Variants in EDARADD observed in about 807,000 individuals in gnomAD.
EDARADD encodes EDAR associated via death domain, also known as ectodysplasin-A receptor-associated adapter protein.
EDARADD carries 20 observed loss-of-function variants against 25.6 expected under a neutral mutation model. The observed-to-expected ratio is 0.78, with a 90% CI of 0.55 to 1.14. EDARADD has a LOEUF of 1.14. Among genes scored for constraint, EDARADD ranks in the 50% most tolerant of loss-of-function variants. The pLI is 0.00. For synonymous variants in EDARADD, 86 were observed against 94.4 expected, an observed-to-expected ratio of 0.91 and a Z score of 0.52; for missense variants, 225 against 270.1, an observed-to-expected ratio of 0.83 and a Z score of 1.17.
At position 236,373,008 on chromosome 1, in the gene EDARADD, C is replaced by T. The variant is rs1336715260; in HGVS notation, c.-6+22169C>T. Among the ~76,000 whole-genome samples the T allele has an allele frequency of 9.3e-5, 14 of 150,178 alleles. No individual in the cohort carries two copies. The South Asian group carries it at 1.3e-3, about 14-fold the overall frequency. On this transcript the variant is annotated intron_variant, in intron 3 of 7. Coordinates refer to the EDARADD transcript ENST00000439430. ...TCGGCTCACTGCAAGCTCCGCCTCC[C>T]GGGTTCATGCCATTCTCCTGCCTCA... is the stretch of plus-strand genomic sequence containing the variant.
intron 3 of EDARADD, among the ~76,000 whole-genome samples, chr1:236,375,426 T>C (rs1667214319): frequency 1.3e-5 from 2 of 151,880 alleles, no homozygotes; most frequent in Admixed American, 6.6e-5. Flanking sequence ...GAGGCCAAGG[T>C]GGGTGAATCA....
At chr1:236,480,129 A>ATATATATATC (rs1558139239) in intron 5 of EDARADD, among the ~76,000 whole-genome samples, 2 of 140,874 alleles carry the variant, frequency 1.4e-5, no homozygotes, top group African/African-American at 2.7e-5. Flanking sequence ...ATATATATAT[A>ATATATATATC]TATATATCAC....
At chr1:236,401,468 C>T (rs182968438) in intron 1 of EDARADD, among the ~76,000 whole-genome samples, 59 of 152,296 alleles carry the variant, frequency 3.9e-4, no homozygotes, top group African/African-American at 1.3e-3. Flanking sequence ...GTGCAGTCCT[C>T]GGCCGCCCCA....
chr1:236,357,697 G>A (rs774645482), intron 3 of EDARADD, among the ~76,000 whole-genome samples: 19 of 151,722 alleles, frequency 1.3e-4, no homozygotes, highest in Non-Finnish European at 2.1e-4. Flanking sequence ...CAGATCTCCC[G>A]AGACCTCACT....
At chr1:236,434,570 A>G (rs1431967958) in intron 4 of EDARADD, among the ~76,000 whole-genome samples, 2 of 152,116 alleles carry the variant, frequency 1.3e-5, no homozygotes, top group Non-Finnish European at 2.9e-5. Flanking sequence ...CTCTTCAGCT[A>G]TCATCAGCAT....
intron 1 of EDARADD, 144 bp downstream of exon 1, chr1:236,394,649 A>G: frequency 1.5e-6 from 1 of 647,366 alleles, no homozygotes; most frequent in East Asian, 2.9e-5. Flanking sequence ...TTCTGTTCTT[A>G]TGTGTGAAGG....
At chr1:236,437,343 G>T (rs1185366250) in intron 4 of EDARADD, among the ~76,000 whole-genome samples, 1 of 152,196 alleles carries the variant, frequency 6.6e-6, no homozygotes, top group Admixed American at 6.5e-5. Flanking sequence ...TTGTTCAAAT[G>T]GAAGTCTTGA....
chr1:236,365,391 G>C (rs1667102670), intron 3 of EDARADD, among the ~76,000 whole-genome samples: 1 of 152,038 alleles, frequency 6.6e-6, no homozygotes. Flanking sequence ...AAACTCCTAG[G>C]CTTAAGCAGT....
intron 3 of EDARADD, among the ~76,000 whole-genome samples, chr1:236,383,527 G>A (rs1482607351): frequency 6.6e-6 from 1 of 152,040 alleles, no homozygotes; most frequent in Non-Finnish European, 1.5e-5. Flanking sequence ...TATATATTTT[G>A]TCTGGGTTTT....
chr1:236,367,941 T>C (rs962219146), intron 3 of EDARADD, among the ~76,000 whole-genome samples: 1 of 151,546 alleles, frequency 6.6e-6, no homozygotes, highest in African/African-American at 2.4e-5. Context: ...AGACCTAGTC[T>C]CTACAAAAGA....
chr1:236,459,697 C>A (rs1465734394), intron 4 of EDARADD, among the ~76,000 whole-genome samples: 2 of 143,882 alleles, frequency 1.4e-5, no homozygotes, highest in East Asian at 4.5e-4. Context: ...ACTGCAACCT[C>A]TGCCTCCCAG....
chr1:236,413,263 A>G (rs1288024098), intron 2 of EDARADD, among the ~76,000 whole-genome samples: 4 of 152,248 alleles, frequency 2.6e-5, no homozygotes. Flanking sequence ...GTAGAACTGT[A>G]GGACTATTCT....
intron 5 of EDARADD, among the ~76,000 whole-genome samples, chr1:236,479,185 A>C (rs1287043017): frequency 1.3e-5 from 2 of 152,004 alleles, no homozygotes; most frequent in Non-Finnish European, 2.9e-5. Flanking sequence ...GAAAAAAGAA[A>C]AAGTACCCTG....
chr1:236,383,221 C>T (rs1013944689), intron 3 of EDARADD, among the ~76,000 whole-genome samples: 18 of 151,866 alleles, frequency 1.2e-4, no homozygotes, highest in Admixed American at 1.2e-3. Flanking sequence ...ATAGAGAAAC[C>T]CTGTCTCCAC....
intron 3 of EDARADD, among the ~76,000 whole-genome samples, chr1:236,352,205 A>G (rs1387824579): frequency 6.6e-6 from 1 of 152,136 alleles, no homozygotes; most frequent in Non-Finnish European, 1.5e-5. Flanking sequence ...ACCACCCTGT[A>G]TTATTTCCGT....
intron 3 of EDARADD, among the ~76,000 whole-genome samples, chr1:236,384,993 C>T (rs1345179935): frequency 6.6e-6 from 1 of 151,158 alleles, no homozygotes; most frequent in African/African-American, 2.4e-5. Flanking sequence ...TTATCCAAGT[C>T]TATTCCCTGC....
chr1:236,419,059 G>A (rs1201360083), intron 3 of EDARADD, among the ~76,000 whole-genome samples: 1 of 152,096 alleles, frequency 6.6e-6, no homozygotes, highest in Non-Finnish European at 1.5e-5. Context: ...AGGATAGAGG[G>A]GACGGAGAGG....
At chr1:236,378,711 T>G (rs185888695) in intron 3 of EDARADD, among the ~76,000 whole-genome samples, 2 of 152,342 alleles carry the variant, frequency 1.3e-5, no homozygotes, top group Non-Finnish European at 2.9e-5. Context: ...GCAATCTTCA[T>G]TAATGCAGCA....
chr1:236,360,542 T>TTG (rs1558100114), intron 3 of EDARADD, among the ~76,000 whole-genome samples: 2 of 79,332 alleles, frequency 2.5e-5, no homozygotes, highest in African/African-American at 1.0e-4. Flanking sequence ...TCACGGTTTT[T>TTG]TTTTTTTTTT....
Sources: gnomAD v4.1 joint callset for allele counts (sites outside exome capture counted in the v4.1 genomes callset) on GRCh38, gnomAD v4.1.1 for gene constraint, MANE v1.5 for transcripts, NCBI Gene and HGNC (gene_info 2026-07-23, HGNC 2026-07-21) for gene names.